The following MYOM1 variants were observed in gnomAD, a reference collection of about 807,000 sequenced individuals.
MYOM1 encodes the protein myomesin 1.
MYOM1 carries 164 observed loss-of-function variants against 205.3 expected under a neutral mutation model. That is an observed-to-expected ratio of 0.80 (90% CI 0.70 to 0.91). MYOM1 has a LOEUF of 0.91. Among genes scored for constraint, MYOM1 ranks in the 40% least tolerant of loss-of-function variants. The pLI, the probability that MYOM1 is intolerant of heterozygous loss-of-function variation, is 0.00. For missense variants in MYOM1, 2,011 were observed against 2,127.3 expected, an observed-to-expected ratio of 0.95 and a Z score of 1.08; for synonymous variants, 772 against 789.4, an observed-to-expected ratio of 0.98 and a Z score of 0.37.
chr18:3,192,712 C>T (rs1393015303), intron 3 of MYOM1, among the ~76,000 whole-genome samples: 1 of 152,146 alleles, frequency 6.6e-6, no homozygotes, highest in Non-Finnish European at 1.5e-5. Context: ...GGACAAGTTT[C>T]CTTTCAAGAT....
At chr18:3,069,296 G>A (rs1444824322) in intron 37 of MYOM1, among the ~76,000 whole-genome samples, 1 of 152,094 alleles carries the variant, frequency 6.6e-6, no homozygotes, top group African/African-American at 2.4e-5. Flanking sequence ...TCACTTGCCT[G>A]GTGGTTAATG....
Position 3,215,155 on chromosome 18 carries a change from G to GCCTC in MYOM1, c.68_69insGAGG (p.Ser24ArgfsTer59). 1 of 1,613,780 alleles carries GCCTC rather than the reference G, an allele frequency of 6.2e-7. No homozygotes were observed. The highest frequency in any genetic ancestry group is 8.5e-7 in the Non-Finnish European group (1 of 1,179,822). ...CCCGCTGGTAGTGACTCACGGTGCT[G>GCCTC]CGCACGTCCTTGTTGCGGTAGCTGA... On this transcript the variant is annotated frameshift_variant, in exon 2 of 38. Transcript: ENST00000356443. LOFTEE classifies it high-confidence loss of function.
intron 33 of MYOM1, among the ~76,000 whole-genome samples, chr18:3,081,087 C>T (rs1034257579): frequency 6.0e-5 from 9 of 150,896 alleles, no homozygotes; most frequent in Middle Eastern, 3.2e-3. Flanking sequence ...GCCGGGATCA[C>T]GCCACTGCAC....
At chr18:3,103,961 C>T (rs2079417143) in intron 22 of MYOM1, among the ~76,000 whole-genome samples, 1 of 152,144 alleles carries the variant, frequency 6.6e-6, no homozygotes, top group African/African-American at 2.4e-5. Flanking sequence ...TTTTAAAATT[C>T]CTTTTTCTTA....
rs199984712 is a variant in MYOM1, at chr18:3,083,822, T to C, written c.4451A>G (p.Tyr1484Cys). Residue 1484 changes from tyrosine (Y) to cysteine (C), a missense_variant, in exon 33 of 38, where the codon TAT (tyrosine) becomes TGT (cysteine). Transcript: ENST00000356443. The stretch of plus-strand genomic sequence containing the variant: ...CCAGTTAACTTTCAAATCCTCCACA[T>C]AGTAAGTTACAAAAGAGTACAGTTG... ...GIQLYSFVTY[Y>C]VEDLKVNWSH... 1.9e-6 allele frequency: 3 copies of C among 1,578,870 alleles called. No individual in the cohort carries two copies. Among genetic ancestry groups the C allele is most frequent in the East Asian group, 2.3e-5 (1 of 43,666 alleles).
intron 5 of MYOM1, among the ~76,000 whole-genome samples, chr18:3,182,298 G>A (rs888466435): frequency 1.3e-5 from 2 of 152,162 alleles, no homozygotes; most frequent in African/African-American, 2.4e-5. Context: ...GGTGAGGGGA[G>A]GGGGAGGGAT....
At chr18:3,109,230 G>A (rs191915099) in intron 22 of MYOM1, among the ~76,000 whole-genome samples, 10 of 152,092 alleles carry the variant, frequency 6.6e-5, no homozygotes, top group East Asian at 5.8e-4. Flanking sequence ...TAATCCGCCC[G>A]CCTTGGCCTC....
At chr18:3,136,165 A>G (rs561821086) in intron 14 of MYOM1, among the ~76,000 whole-genome samples, 6 of 151,972 alleles carry the variant, frequency 3.9e-5, no homozygotes, top group African/African-American at 7.2e-5. Context: ...TTCGCCTTCC[A>G]CCATGATTGT....
At chr18:3,141,308 T>C (rs562020440) in intron 14 of MYOM1, among the ~76,000 whole-genome samples, 2 of 152,360 alleles carry the variant, frequency 1.3e-5, no homozygotes, top group East Asian at 3.9e-4. Context: ...ATTCCACCCA[T>C]TCTGGGCCTT....
chr18:3,215,992 G>T (rs2144264647), intron 1 of MYOM1, among the ~76,000 whole-genome samples: 1 of 152,292 alleles, frequency 6.6e-6, no homozygotes, highest in South Asian at 2.1e-4. Flanking sequence ...GTGAGGCCGG[G>T]CACAGTGGGT....
rs9958930 is a variant in MYOM1, at chr18:3,106,803, A to G, written c.3419-4173T>C. On this transcript the variant is annotated intron_variant, in intron 22 of 37. Coordinates refer to ENST00000356443, the MANE Select transcript of MYOM1 (RefSeq NM_003803.4). ...ATGCCACTGCACTCCAGCCTGGGTG[A>G]CAAAATCAGATCCTGTCGCAAAACA... 1.3e-3 allele frequency among the ~76,000 whole-genome samples: 196 copies of G among 152,310 alleles called. 1 individual carries two copies. Among genetic ancestry groups the G allele is most frequent in the African/African-American group, 4.4e-3 (184 of 41,572 alleles).
intron 29 of MYOM1, among the ~76,000 whole-genome samples, chr18:3,088,839 G>C (rs1294888435): frequency 6.6e-6 from 1 of 152,180 alleles, no homozygotes; most frequent in Non-Finnish European, 1.5e-5. Flanking sequence ...TGCAGCTGGA[G>C]TGATTCTGGA....
intron 14 of MYOM1, among the ~76,000 whole-genome samples, chr18:3,138,555 A>G (rs4797100): frequency 0.25 from 38,405 of 152,022 alleles, 5,167 homozygotes; most frequent in East Asian, 0.42. Flanking sequence ...TTATGATAAC[A>G]TTATCTTTTG....
chr18:3,150,362 A>G (rs1383009040), intron 12 of MYOM1, among the ~76,000 whole-genome samples: 1 of 152,030 alleles, frequency 6.6e-6, no homozygotes, highest in Non-Finnish European at 1.5e-5. Context: ...ATGCCCAGCC[A>G]GTGACATTAT....
At chr18:3,223,007 C>T (rs9950110), upstream of MYOM1, among the ~76,000 whole-genome samples, 13,776 of 152,132 alleles carry the variant, frequency 0.091, 709 homozygotes, top group African/African-American at 0.14. Context: ...CTCAGCCTCC[C>T]GAGTAGGTGG....
intron 9 of MYOM1, among the ~76,000 whole-genome samples, chr18:3,166,383 GCCTCA>G: frequency 6.6e-6 from 1 of 151,034 alleles, no homozygotes; most frequent in Non-Finnish European, 1.5e-5. Context: ...CGATTATAGT[GCCTCA>G]GCCTCCTGAG....
At chr18:3,174,252 C>G (rs2080602656) in intron 6 of MYOM1, 44 bp from the exon 7 acceptor site, 1 of 1,514,310 alleles carries the variant, frequency 6.6e-7, no homozygotes, top group African/African-American at 1.4e-5. Flanking sequence ...AGTGACAATC[C>G]TTGTAATTAC....
chr18:3,164,716 A>AAAGGTGCT (rs1467587709), intron 9 of MYOM1, among the ~76,000 whole-genome samples: 5 of 152,208 alleles, frequency 3.3e-5, no homozygotes, highest in African/African-American at 1.2e-4. Flanking sequence ...AAGTGCAATT[A>AAAGGTGCT]AAGGTGCTAA....
At chr18:3,076,521 TGTTTGGGCAAAAAAGCACAATGA>T (rs2079022607) in intron 34 of MYOM1, among the ~76,000 whole-genome samples, 1 of 152,096 alleles carries the variant, frequency 6.6e-6, no homozygotes, top group African/African-American at 2.4e-5. Flanking sequence ...CTGTCTGGTC[TGTTTGGGCAAAAAAGCACAATGA>T]GTTACTGTAA....
Sources: gnomAD v4.1 joint callset for allele counts (sites outside exome capture counted in the v4.1 genomes callset) on GRCh38, gnomAD v4.1.1 for gene constraint, MANE v1.5 for transcripts, NCBI Gene and HGNC (gene_info 2026-07-23, HGNC 2026-07-21) for gene names.